The following RABGAP1L variants were observed in gnomAD, a reference collection of about 807,000 sequenced individuals.
RABGAP1L encodes the protein RAB GTPase activating protein 1 like, also known as rab GTPase-activating protein 1-like.
A neutral mutation model predicts 137.7 loss-of-function variants in RABGAP1L; 63 were observed. That is an observed-to-expected ratio of 0.46 (90% CI 0.37 to 0.56). The LOEUF (loss-of-function observed/expected upper bound fraction) is 0.56, where lower values mean the gene tolerates loss of function less well. RABGAP1L is among the 20% of genes least tolerant of loss of function. The pLI is 0.00. For missense variants in RABGAP1L, 1,095 were observed against 1,244.0 expected (o/e 0.88, Z 1.80); for synonymous variants, 431 against 433.7 (o/e 0.99, Z 0.08).
chr1:174,473,293 C>T (rs1468666777), intron 13 of RABGAP1L, among the ~76,000 whole-genome samples: 1 of 152,186 alleles, frequency 6.6e-6, no homozygotes, highest in Non-Finnish European at 1.5e-5. Flanking sequence ...TCTCTGTAAA[C>T]CTTGCTGGTG....
intron 13 of RABGAP1L, among the ~76,000 whole-genome samples, chr1:174,490,314 CTG>C: frequency 6.6e-6 from 1 of 151,898 alleles, no homozygotes; most frequent in East Asian, 1.9e-4. Context: ...CCCGGTAACA[CTG>C]TGGTTCTTAC....
At chr1:174,519,058 G>A (rs554860816) in intron 13 of RABGAP1L, among the ~76,000 whole-genome samples, 8 of 151,036 alleles carry the variant, frequency 5.3e-5, no homozygotes, top group South Asian at 4.2e-4. Flanking sequence ...CATTAGGCAG[G>A]GTTCCCTAGA....
intron 19 of RABGAP1L, among the ~76,000 whole-genome samples, chr1:174,868,408 TC>T (rs1039855998): frequency 1.3e-5 from 2 of 152,182 alleles, no homozygotes; most frequent in African/African-American, 4.8e-5. Context: ...GTTATTTCTC[TC>T]CCCCTTCCCC....
chr1:174,497,777 G>T lies in RABGAP1L; in HGVS notation c.1710+103632G>T, dbSNP rs1175233832. 5.3e-5 allele frequency among the ~76,000 whole-genome samples: 8 copies of T among 152,306 alleles called. No individual in the cohort carries two copies. In the East Asian group the frequency reaches 1.2e-3, roughly 22 times the overall value. On this transcript the variant is annotated intron_variant, in intron 13 of 25. Transcript: ENST00000681986. ...CAGTGACCTTGTCATTTGAACAAAA[G>T]ATTCCAAGAACCCTGTGTAGGTTGG...
chr1:174,688,294 C>T lies in RABGAP1L; in HGVS notation c.1899+4698C>T, dbSNP rs1403007049. ...AATTTTTCTACAATATTTATTGTTA[C>T]AAGTTTTAAATTTTTTAATTGAACA... On this transcript the variant is annotated intron_variant, in intron 15 of 25. Coordinates refer to ENST00000681986, the MANE Select transcript of RABGAP1L (RefSeq NM_001366446.1). Among the ~76,000 whole-genome samples the T allele has an allele frequency of 2.6e-5, 4 of 151,946 alleles. No individual in the cohort carries two copies. In the East Asian group the frequency reaches 7.7e-4, roughly 29 times the overall value.
intron 13 of RABGAP1L, among the ~76,000 whole-genome samples, chr1:174,608,328 A>C (rs1021756338): frequency 6.6e-6 from 1 of 152,202 alleles, no homozygotes; most frequent in Non-Finnish European, 1.5e-5. Context: ...TTAGGGTACT[A>C]GATGTGTTAC....
chr1:174,177,009 A>C (rs1274474211), intron 1 of RABGAP1L, among the ~76,000 whole-genome samples: 1 of 152,042 alleles, frequency 6.6e-6, no homozygotes, highest in South Asian at 2.1e-4. Context: ...CCAGGAGGTC[A>C]AGGTTGCAGT....
At chr1:174,550,949 CATAT>C (rs1326219208) in intron 13 of RABGAP1L, among the ~76,000 whole-genome samples, 2 of 108,090 alleles carry the variant, frequency 1.9e-5, no homozygotes, top group Admixed American at 9.2e-5. Context: ...TATATACACA[CATAT>C]ATATACACAT....
chr1:174,682,767 A>G (rs1678176732), intron 14 of RABGAP1L, among the ~76,000 whole-genome samples: 1 of 152,234 alleles, frequency 6.6e-6, no homozygotes, highest in East Asian at 1.9e-4. Context: ...ATGATATGAT[A>G]GCTACTTTCC....
intron 13 of RABGAP1L, among the ~76,000 whole-genome samples, chr1:174,462,410 T>C (rs1257772009): frequency 6.6e-6 from 1 of 152,198 alleles, no homozygotes; most frequent in African/African-American, 2.4e-5. Context: ...AATTTTACAT[T>C]GTTATCTCCC....
At chr1:174,756,152 G>A (rs1226939058) in intron 18 of RABGAP1L, among the ~76,000 whole-genome samples, 2 of 152,048 alleles carry the variant, frequency 1.3e-5, no homozygotes, top group East Asian at 3.9e-4. Flanking sequence ...TACTGTATGT[G>A]CCATAATTTA....
chr1:174,916,342 T>A (rs1447270935), intron 19 of RABGAP1L, among the ~76,000 whole-genome samples: 3 of 152,204 alleles, frequency 2.0e-5, no homozygotes, highest in Non-Finnish European at 4.4e-5. Flanking sequence ...ACCTTCTTGC[T>A]TTTACATGCA....
At chr1:174,713,626 A>G (rs1425156047) in intron 17 of RABGAP1L, among the ~76,000 whole-genome samples, 1 of 152,182 alleles carries the variant, frequency 6.6e-6, no homozygotes, top group Non-Finnish European at 1.5e-5. Flanking sequence ...CCACTGTGAT[A>G]GTAAGCTTCC....
chr1:174,799,384 G>A (rs61828088), intron 18 of RABGAP1L, among the ~76,000 whole-genome samples: 13,558 of 152,076 alleles, frequency 0.089, 820 homozygotes, highest in East Asian at 0.22. Flanking sequence ...CTTCTGTAGC[G>A]GTTTCAGTCA....
At chr1:174,332,850 T>A (rs944123330) in intron 11 of RABGAP1L, among the ~76,000 whole-genome samples, 3 of 152,020 alleles carry the variant, frequency 2.0e-5, no homozygotes, top group Non-Finnish European at 4.4e-5. Context: ...GGAAATGAAA[T>A]CAGTATGTCA....
Position 174,375,958 on chromosome 1 carries a change from C to T in RABGAP1L, c.1559+4886C>T, listed in dbSNP as rs539320608. 3.3e-5 allele frequency among the ~76,000 whole-genome samples: 5 copies of T among 152,054 alleles called. No homozygotes were observed. The South Asian group carries it at 1.0e-3, about 32-fold the overall frequency. ...TGGTGTGCACCTGTAATCTCAGCTACCCGGGAGGCTGAGGCACAAGAATTG... is the reference window on the plus strand; with the variant it reads ...TGGTGTGCACCTGTAATCTCAGCTATCCGGGAGGCTGAGGCACAAGAATTG... On this transcript the variant is annotated intron_variant, in intron 12 of 25. Coordinates refer to ENST00000681986, the MANE Select transcript of RABGAP1L (RefSeq NM_001366446.1).
chr1:174,557,031 T>G (rs761587129), intron 13 of RABGAP1L, among the ~76,000 whole-genome samples: 1 of 152,238 alleles, frequency 6.6e-6, no homozygotes, highest in Admixed American at 6.5e-5. Flanking sequence ...CTGGCACATT[T>G]ATGACTAGTG....
intron 13 of RABGAP1L, among the ~76,000 whole-genome samples, chr1:174,618,556 C>T (rs980621268): frequency 6.6e-6 from 1 of 152,204 alleles, no homozygotes; most frequent in Non-Finnish European, 1.5e-5. Context: ...CTCCCACAAA[C>T]TCCAATAGAC....
chr1:174,353,476 G>A (rs1683365678), intron 11 of RABGAP1L, among the ~76,000 whole-genome samples: 1 of 152,160 alleles, frequency 6.6e-6, no homozygotes, highest in African/African-American at 2.4e-5. Context: ...GACTTCCCCA[G>A]GGATTACAGT....
Sources: gnomAD v4.1 joint callset for allele counts (sites outside exome capture counted in the v4.1 genomes callset) on GRCh38, gnomAD v4.1.1 for gene constraint, MANE v1.5 for transcripts, NCBI Gene and HGNC (gene_info 2026-07-23, HGNC 2026-07-21) for gene names.